Variants in SOX5 observed in about 807,000 individuals in gnomAD.
The protein encoded by SOX5 is SRY-box transcription factor 5.
In SOX5, 9 loss-of-function variants were observed where a neutral mutation model predicts 92.0. That is an observed-to-expected ratio of 0.10 (90% CI 0.06 to 0.17). The LOEUF is 0.17. Among genes scored for constraint, SOX5 ranks in the 10% least tolerant of loss-of-function variants. The probability of loss-of-function intolerance (pLI) is 1.00; values close to 1 mark genes in which losing one functional copy is unlikely to be tolerated. For synonymous variants in SOX5, 344 were observed against 336.3 expected, an observed-to-expected ratio of 1.02 and a Z score of -0.25; for missense variants, 642 against 944.5, an observed-to-expected ratio of 0.68 and a Z score of 4.20.
At chr12:23,680,700 A>G (rs924873456) in intron 6 of SOX5, among the ~76,000 whole-genome samples, 11 of 152,122 alleles carry the variant, frequency 7.2e-5, no homozygotes, top group Admixed American at 7.2e-4. Flanking sequence ...AGGTCAGTCA[A>G]TACTCTGTTA....
At chr12:24,487,820 C>T (rs1406550956) in intron 1 of SOX5, among the ~76,000 whole-genome samples, 2 of 152,146 alleles carry the variant, frequency 1.3e-5, no homozygotes, top group African/African-American at 4.8e-5. Flanking sequence ...GTGCCTCTAC[C>T]ATCAGGTTCA....
intron 2 of SOX5, among the ~76,000 whole-genome samples, chr12:24,315,665 T>C (rs924329757): frequency 2.6e-5 from 4 of 152,082 alleles, no homozygotes; most frequent in African/African-American, 9.7e-5. Context: ...AAAATCAAAA[T>C]AAAATAAAAT....
intron 1 of SOX5, among the ~76,000 whole-genome samples, chr12:24,490,671 A>G (rs1232056927): frequency 6.6e-6 from 1 of 152,026 alleles, no homozygotes; most frequent in Non-Finnish European, 1.5e-5. Context: ...TGATACACAC[A>G]CCATATTTTT....
intron 14 of SOX5, 62 bp from the exon 15 acceptor site, chr12:23,534,584 T>C (rs1305346562): frequency 8.5e-6 from 11 of 1,291,830 alleles, no homozygotes; most frequent in Non-Finnish European, 2.1e-6. Context: ...ATGTGGACTT[T>C]ACTACATAAT....
At chr12:24,409,135 C>T (rs1963588619) in intron 1 of SOX5, among the ~76,000 whole-genome samples, 1 of 152,200 alleles carries the variant, frequency 6.6e-6, no homozygotes, top group Admixed American at 6.5e-5. Flanking sequence ...TCATGGAATA[C>T]TATGCAGCCA....
intron 4 of SOX5, among the ~76,000 whole-genome samples, chr12:23,995,060 C>G (rs984352138): frequency 6.6e-6 from 1 of 152,182 alleles, no homozygotes; most frequent in East Asian, 1.9e-4. Context: ...CAAGAAGTCC[C>G]TGGTGCTTCT....
intron 1 of SOX5, among the ~76,000 whole-genome samples, chr12:24,384,583 C>T (rs1958178877): frequency 2.0e-5 from 3 of 152,230 alleles, no homozygotes; most frequent in South Asian, 4.1e-4. Context: ...CTACGGTCCA[C>T]GGTAAGAACT....
chr12:24,469,182 C>T (rs1390137056), intron 1 of SOX5, among the ~76,000 whole-genome samples: 1 of 152,146 alleles, frequency 6.6e-6, no homozygotes, highest in African/African-American at 2.4e-5. Flanking sequence ...ACCTAGATCC[C>T]TCACATACAC....
At chr12:24,488,096 T>C (rs1253305346) in intron 1 of SOX5, among the ~76,000 whole-genome samples, 3 of 152,168 alleles carry the variant, frequency 2.0e-5, no homozygotes, top group African/African-American at 4.8e-5. Context: ...AGATGTGGGC[T>C]TTTAAAAAGA....
intron 4 of SOX5, among the ~76,000 whole-genome samples, chr12:23,970,841 A>ATATATTTTTT: frequency 0.11 from 2,354 of 21,898 alleles, 640 homozygotes; most frequent in Middle Eastern, 0.27. Context: ...TATATATATA[A>ATATATTTTTT]TTTTTTTTTT....
intron 2 of SOX5, among the ~76,000 whole-genome samples, chr12:24,296,817 T>TCA (rs1947303607): frequency 1.8e-5 from 1 of 54,130 alleles, no homozygotes; most frequent in South Asian, 1.2e-3. Context: ...TACATTGTTC[T>TCA]TAAAAAAAAA....
rs565950177 is a variant in SOX5, at chr12:23,814,309, T to C, written c.481+31674A>G. 6.5e-4 allele frequency among the ~76,000 whole-genome samples: 99 copies of C among 152,296 alleles called. No homozygotes were observed. In the South Asian group the frequency reaches 0.019, roughly 29 times the overall value. On this transcript the variant is annotated intron_variant, in intron 3 of 14. Coordinates refer to ENST00000451604, the MANE Select transcript of SOX5 (RefSeq NM_006940.6). ...GCTGGTAACTAACCTGATTCAGTGA[T>C]AGACGCCAAAACAAACCCTGAAGCA...
At chr12:24,397,720 C>A (rs1161058634) in intron 1 of SOX5, among the ~76,000 whole-genome samples, 1 of 151,858 alleles carries the variant, frequency 6.6e-6, no homozygotes, top group Non-Finnish European at 1.5e-5. Context: ...CCAAACATCA[C>A]AAATCCAGAA....
intron 3 of SOX5, among the ~76,000 whole-genome samples, chr12:23,806,928 T>C (rs1367194320): frequency 1.3e-5 from 2 of 152,138 alleles, no homozygotes; most frequent in Non-Finnish European, 2.9e-5. Flanking sequence ...GTGTGTTTGT[T>C]TTTTGCAATC....
chr12:23,664,914 G>A (rs889899249), intron 7 of SOX5, among the ~76,000 whole-genome samples: 1 of 152,126 alleles, frequency 6.6e-6, no homozygotes, highest in Non-Finnish European at 1.5e-5. Context: ...CTTAAGTCAA[G>A]TCAGGCAAGC....
intron 1 of SOX5, among the ~76,000 whole-genome samples, chr12:24,451,517 T>G (rs547181538): frequency 2.3e-4 from 35 of 152,302 alleles, no homozygotes; most frequent in South Asian, 1.5e-3. Flanking sequence ...AATATCTCAT[T>G]GTAGTTTTGA....
At chr12:24,119,543 C>T (rs1241650314) in intron 4 of SOX5, among the ~76,000 whole-genome samples, 1 of 152,066 alleles carries the variant, frequency 6.6e-6, no homozygotes, top group Non-Finnish European at 1.5e-5. Context: ...CTCTATTTAA[C>T]AATCCATGCC....
chr12:24,367,132 T>C (rs537946680), intron 2 of SOX5, among the ~76,000 whole-genome samples: 5 of 152,268 alleles, frequency 3.3e-5, no homozygotes, highest in Admixed American at 3.3e-4. Context: ...ACAACCAGAC[T>C]TAGCTGACAT....
chr12:24,419,281 G>A (rs1015826387), intron 1 of SOX5, among the ~76,000 whole-genome samples: 5 of 152,038 alleles, frequency 3.3e-5, no homozygotes, highest in African/African-American at 1.2e-4. Context: ...GAGATTACAG[G>A]TGCACACCAC....
Sources: allele counts gnomAD v4.1 joint callset (sites outside exome capture counted in the v4.1 genomes callset), GRCh38; gene constraint gnomAD v4.1.1; transcripts MANE v1.5; gene names NCBI Gene and HGNC (gene_info 2026-07-23, HGNC 2026-07-21).